The following CACNA2D3 variants were observed in gnomAD, a reference collection of about 807,000 sequenced individuals.
CACNA2D3 encodes voltage-dependent calcium channel subunit alpha-2/delta-3.
CACNA2D3 carries 60 observed loss-of-function variants against 160.6 expected under a neutral mutation model. That is an observed-to-expected ratio of 0.37 (90% CI 0.30 to 0.46). The LOEUF is 0.46. Among genes scored for constraint, CACNA2D3 ranks in the 20% least tolerant of loss-of-function variants. The pLI is 1.00. For missense variants in CACNA2D3, 1,205 were observed against 1,365.0 expected, an observed-to-expected ratio of 0.88 and a Z score of 1.85; for synonymous variants, 558 against 492.9, an observed-to-expected ratio of 1.13 and a Z score of -1.75.
chr3:54,525,945 C>G (rs1701716990), intron 5 of CACNA2D3, among the ~76,000 whole-genome samples: 1 of 151,420 alleles, frequency 6.6e-6, no homozygotes, highest in African/African-American at 2.4e-5. Context: ...TCTCTTTGTT[C>G]TCTCCTTCTT....
chr3:54,677,587 A>G (rs1039314461), intron 11 of CACNA2D3, among the ~76,000 whole-genome samples: 2 of 145,094 alleles, frequency 1.4e-5, no homozygotes, highest in African/African-American at 5.1e-5. Flanking sequence ...AACAATTAAA[A>G]CAATGATATT....
At chr3:55,008,079 A>G (rs1405307221) in intron 33 of CACNA2D3, among the ~76,000 whole-genome samples, 1 of 152,178 alleles carries the variant, frequency 6.6e-6, no homozygotes, top group Non-Finnish European at 1.5e-5. Context: ...ATCATTTGCA[A>G]TACACAACAA....
intron 10 of CACNA2D3, among the ~76,000 whole-genome samples, chr3:54,634,795 T>G (rs1040277038): frequency 8.5e-5 from 13 of 152,146 alleles, no homozygotes; most frequent in Non-Finnish European, 1.6e-4. Context: ...ACACTTCTTT[T>G]GTGGTGGAAT....
intron 14 of CACNA2D3, among the ~76,000 whole-genome samples, chr3:54,817,691 G>C (rs907910510): frequency 4.6e-5 from 7 of 152,236 alleles, no homozygotes; most frequent in Admixed American, 2.0e-4. Flanking sequence ...GTTTAGAGCA[G>C]AGGTGATTTG....
At chr3:54,390,720 A>G (rs34410666) in intron 4 of CACNA2D3, among the ~76,000 whole-genome samples, 16,865 of 152,184 alleles carry the variant, frequency 0.11, 1,120 homozygotes, top group African/African-American at 0.18. Context: ...TGAAGCTTCT[A>G]TGCTATTAAG....
At chr3:54,817,014 A>G in intron 14 of CACNA2D3, 144 bp downstream of exon 14, 2 of 945,880 alleles carry the variant, frequency 2.1e-6, no homozygotes, top group South Asian at 1.6e-5. Flanking sequence ...GGGCAGGAAC[A>G]GAGAGGCCAG....
intron 2 of CACNA2D3, among the ~76,000 whole-genome samples, chr3:54,255,113 TA>T (rs1350049483): frequency 6.6e-6 from 1 of 152,236 alleles, no homozygotes; most frequent in Non-Finnish European, 1.5e-5. Context: ...TCTCTCAGGT[TA>T]AAAACTGTTG....
chr3:54,506,988 C>T (rs551624388), intron 5 of CACNA2D3, among the ~76,000 whole-genome samples: 2 of 152,162 alleles, frequency 1.3e-5, no homozygotes, highest in Non-Finnish European at 2.9e-5. Flanking sequence ...TATATATACA[C>T]ACATATATAT....
chr3:54,960,168 G>C (rs1701997383), intron 27 of CACNA2D3, among the ~76,000 whole-genome samples: 1 of 151,816 alleles, frequency 6.6e-6, no homozygotes, highest in Admixed American at 6.6e-5. Context: ...GCCAGTCACA[G>C]GCAGCAGGTA....
intron 11 of CACNA2D3, among the ~76,000 whole-genome samples, chr3:54,714,985 A>G (rs537975625): frequency 6.6e-6 from 1 of 152,352 alleles, no homozygotes; most frequent in East Asian, 1.9e-4. Flanking sequence ...TCAACTGTCC[A>G]GCAGATTCTC....
intron 9 of CACNA2D3, among the ~76,000 whole-genome samples, chr3:54,607,871 T>A (rs1162995221): frequency 6.6e-6 from 1 of 152,166 alleles, no homozygotes; most frequent in African/African-American, 2.4e-5. Flanking sequence ...TATGGTACAT[T>A]CATACAGAAG....
intron 31 of CACNA2D3, among the ~76,000 whole-genome samples, chr3:54,993,800 C>G (rs1312219355): frequency 6.6e-6 from 1 of 151,752 alleles, no homozygotes; most frequent in African/African-American, 2.4e-5. Flanking sequence ...TCTCGTCGAG[C>G]CACCAGTAGT....
chr3:54,342,633 C>G (rs941021053), intron 3 of CACNA2D3, among the ~76,000 whole-genome samples: 1 of 152,146 alleles, frequency 6.6e-6, no homozygotes, highest in Non-Finnish European at 1.5e-5. Flanking sequence ...GCTTAGGTGA[C>G]AAATCATTGA....
chr3:54,844,388 A>G (rs1698888429), intron 16 of CACNA2D3, among the ~76,000 whole-genome samples: 1 of 152,174 alleles, frequency 6.6e-6, no homozygotes, highest in African/African-American at 2.4e-5. Context: ...AGGGGCAATA[A>G]GGAAACAGAG....
At chr3:54,925,161 C>A in intron 27 of CACNA2D3, 1 of 1,614,094 alleles carries the variant, frequency 6.2e-7, no homozygotes, top group Admixed American at 1.7e-5. Flanking sequence ...CTTGTCCGGG[C>A]AGCTGCATAC....
intron 11 of CACNA2D3, among the ~76,000 whole-genome samples, chr3:54,740,845 C>T (rs1042735072): frequency 2.0e-5 from 3 of 152,204 alleles, no homozygotes; most frequent in East Asian, 1.9e-4. Context: ...TTAGAATTCA[C>T]AACAGCTGTT....
At chr3:54,918,332 CTTTTTTTTTTTTT>C (rs533596688) in intron 27 of CACNA2D3, 13 of 228,022 alleles carry the variant, frequency 5.7e-5, no homozygotes, top group South Asian at 1.7e-4. Context: ...TTTTTTTTTT[CTTTTTTTTTTTTT>C]TTTTTTTTTT....
At chr3:54,596,839 C>T (rs1488241992) in intron 9 of CACNA2D3, among the ~76,000 whole-genome samples, 1 of 152,106 alleles carries the variant, frequency 6.6e-6, no homozygotes, top group Non-Finnish European at 1.5e-5. Flanking sequence ...TTAACTCTTT[C>T]CCATTTTCTG....
chr3:54,836,246 T>C, intron 14 of CACNA2D3, among the ~76,000 whole-genome samples: 1 of 148,634 alleles, frequency 6.7e-6, no homozygotes, highest in Non-Finnish European at 1.5e-5. Flanking sequence ...TTTTTTGTTT[T>C]TGTTTTGGGA....
Sources: allele counts gnomAD v4.1 joint callset (sites outside exome capture counted in the v4.1 genomes callset), GRCh38; gene constraint gnomAD v4.1.1; transcripts MANE v1.5; gene names NCBI Gene and HGNC (gene_info 2026-07-23, HGNC 2026-07-21).